KCNQ1: variants seen among roughly 807,000 people sequenced by gnomAD.
KCNQ1 encodes potassium voltage-gated channel subfamily Q member 1.
A neutral mutation model predicts 72.4 loss-of-function variants in KCNQ1; 49 were observed. The ratio of observed to expected loss-of-function variants is 0.68; its 90% CI spans 0.54 to 0.86. KCNQ1 has a LOEUF of 0.86. KCNQ1 is among the 40% of genes least tolerant of loss of function. The probability of loss-of-function intolerance (pLI) is 0.00; values close to 1 mark genes in which losing one functional copy is unlikely to be tolerated. For missense variants in KCNQ1, 790 were observed against 945.1 expected (o/e 0.84, Z 2.15); for synonymous variants, 450 against 412.6 (o/e 1.09, Z -1.10).
intron 10 of KCNQ1, chr11:2,631,846 G>A (rs892754637): frequency 1.0e-5 from 4 of 398,402 alleles, no homozygotes; most frequent in African/African-American, 8.2e-5. Flanking sequence ...ATAGAGTTGT[G>A]TTAATAATAT....
In KCNQ1 at chr11:2,573,481, A is replaced by G. The variant is rs1393773712; in HGVS notation, c.921+495A>G. Reference sequence around the variant, plus strand: ...GAGACAGCAAACAGGAAAGACCATGATGGCTCAAGAGACCCCAGCAGAGAT... The same window carrying G: ...GAGACAGCAAACAGGAAAGACCATGGTGGCTCAAGAGACCCCAGCAGAGAT... On this transcript the variant is annotated intron_variant, in intron 6 of 15. Transcript: ENST00000155840. Among the ~76,000 whole-genome samples the G allele has an allele frequency of 2.6e-5, 4 of 152,190 alleles. No individual in the cohort carries two copies. The East Asian group carries it at 7.7e-4, about 29-fold the overall frequency.
rs185464682 is a variant in KCNQ1, at chr11:2,579,677, T to A, written c.922-3758T>A. On this transcript the variant is annotated intron_variant, in intron 6 of 15. Transcript: ENST00000155840. This position sits in a 1 kb window ranked among gnomAD's most constrained non-coding sequence, Gnocchi z 6.0. Reference sequence around the variant, plus strand: ...GTGGGGTCCTGGAGCTGCGTCCTGCTGTATGTGTGCTCTCCACGGTGGGCA... The same window carrying A: ...GTGGGGTCCTGGAGCTGCGTCCTGCAGTATGTGTGCTCTCCACGGTGGGCA... Among the ~76,000 whole-genome samples, 1 of 152,262 alleles carries A rather than the reference T, an allele frequency of 6.6e-6. No individual in the cohort carries two copies. The highest frequency in any genetic ancestry group is 6.5e-5 in the Admixed American group (1 of 15,304).
In KCNQ1 at chr11:2,610,716, C is replaced by CTTTTTTTTT. The variant is rs1167505141; in HGVS notation, c.1393+21883_1393+21891dup. Reference sequence around the variant, plus strand: ...TTCTGGACACAGTATTCTTGGTTGGCTTTTTTTTTTTTTTTTTTTTTTTTT... The same window carrying CTTTTTTTTT: ...TTCTGGACACAGTATTCTTGGTTGGCTTTTTTTTTTTTTTTTTTTTTTTTTTTTTTTTTT... On this transcript the variant is annotated intron_variant, in intron 10 of 15. Coordinates refer to ENST00000155840, the MANE Select transcript of KCNQ1 (RefSeq NM_000218.3). The CTTTTTTTTT allele has an allele frequency of 7.3e-4, 168 of 229,916 alleles. 1 individual carries two copies. The highest frequency in any genetic ancestry group is 5.4e-3 in the East Asian group (89 of 16,444). 14.2% of individuals were successfully genotyped at this position (229,916 alleles called of 1,614,324 possible).
Position 2,654,884 on chromosome 11 carries a change from C to G in KCNQ1, c.1394-7077C>G, listed in dbSNP as rs1849816167. 5.0e-6 allele frequency: 2 copies of G among 398,428 alleles called. No homozygotes were observed. The highest frequency in any genetic ancestry group is 4.1e-5 in the African/African-American group (2 of 48,560). The allele number at this position is 398,428 out of a possible 1,614,324, so 24.7% of individuals were successfully genotyped here. On this transcript the variant is annotated intron_variant, in intron 10 of 15. Transcript: ENST00000155840. The surrounding 1 kb of genome is among the most constrained non-coding windows in gnomAD (Gnocchi z 6.4). ...GGTGGAGGGACATATTCTGGCAACT[C>G]TAGGATAAGATGTGCAAGGTCGTGG...
intron 15 of KCNQ1, among the ~76,000 whole-genome samples, chr11:2,846,293 A>C (rs1223405239): frequency 6.6e-6 from 1 of 152,170 alleles, no homozygotes; most frequent in East Asian, 1.9e-4. Flanking sequence ...CTCTGGAGCC[A>C]TACGTTTCCC....
chr11:2,703,038 A>G lies in KCNQ1; in HGVS notation c.1514+40957A>G, dbSNP rs1850846052. On this transcript the variant is annotated intron_variant, in intron 11 of 15. Transcript: ENST00000155840. This position sits in a 1 kb window ranked among gnomAD's most constrained non-coding sequence, Gnocchi z 6.4. ...GGGGTTTGTTGTCTCGTCGGGCGAC[A>G]AGAGACACGTGGGAATTGGCTAGAG... 6.6e-6 allele frequency among the ~76,000 whole-genome samples: 1 copy of G among 152,126 alleles called. No homozygotes were observed. The highest frequency in any genetic ancestry group is 1.9e-4 in the East Asian group (1 of 5,182).
rs568787689 is a variant in KCNQ1 at position 2,848,973 on chromosome 11, A to G, written c.*970A>G. The G allele has an allele frequency of 2.2e-6, 1 of 454,162 alleles. No homozygotes were observed. Among genetic ancestry groups the G allele is most frequent in the African/African-American group, 2.0e-5 (1 of 50,138 alleles). 28.1% of individuals were successfully genotyped at this position (454,162 alleles called of 1,614,324 possible). On this transcript the variant is annotated 3_prime_UTR_variant, in exon 16 of 16. Transcript: ENST00000155840. ...TTATTAATTGTGCAAGCTTTTCCTA[A>G]TAAACGTGGAGAATCACAGGCTGGG...
In KCNQ1 at chr11:2,623,486, C is replaced by T. The variant is rs1441698621; in HGVS notation, c.1393+34632C>T. 1 of 398,570 alleles carries T rather than the reference C, an allele frequency of 2.5e-6. No homozygotes were observed. The highest frequency in any genetic ancestry group is 4.4e-5 in the Admixed American group (1 of 22,734). The allele number at this position is 398,570 out of a possible 1,614,324, so 24.7% of individuals were successfully genotyped here. On this transcript the variant is annotated intron_variant, in intron 10 of 15. Coordinates refer to ENST00000155840, the MANE Select transcript of KCNQ1 (RefSeq NM_000218.3). The surrounding 1 kb of genome is among the most constrained non-coding windows in gnomAD (Gnocchi z 5.2). ...CTTTTTACTGCCTCCATAGCATTGC[C>T]TTTTCTAAAATGCAATATGATTGGA...
chr11:2,651,553 T>A lies in KCNQ1; in HGVS notation c.1394-10408T>A. The A allele has an allele frequency of 2.5e-6, 1 of 398,550 alleles. No individual in the cohort carries two copies. 24.7% of individuals were successfully genotyped at this position (398,550 alleles called of 1,614,324 possible). A position where few individuals can be genotyped will look rare whatever the true frequency, so the allele number is the denominator to read the frequency against. On this transcript the variant is annotated intron_variant, in intron 10 of 15. Coordinates refer to ENST00000155840, the MANE Select transcript of KCNQ1 (RefSeq NM_000218.3). The surrounding 1 kb of genome is among the most constrained non-coding windows in gnomAD (Gnocchi z 6.1). Reference sequence around the variant, plus strand: ...ATGAGTGTGTCCCTGAGAACATGGATATTGTGTTCTTTACCTCCATGTCTC... The same window carrying A: ...ATGAGTGTGTCCCTGAGAACATGGAAATTGTGTTCTTTACCTCCATGTCTC...
intron 15 of KCNQ1, among the ~76,000 whole-genome samples, chr11:2,831,426 G>A (rs1177333616): frequency 6.6e-6 from 1 of 152,114 alleles, no homozygotes; most frequent in Non-Finnish European, 1.5e-5. Context: ...TGTCGAAGGT[G>A]CTTCTGCCTC....
At chr11:2,804,221 C>A (rs1847330864) in intron 15 of KCNQ1, among the ~76,000 whole-genome samples, 1 of 152,204 alleles carries the variant, frequency 6.6e-6, no homozygotes, top group African/African-American at 2.4e-5. Flanking sequence ...ACCACCCATG[C>A]CACGTGCCTG....
chr11:2,730,509 C>G (rs576195994), intron 11 of KCNQ1, among the ~76,000 whole-genome samples: 1 of 152,286 alleles, frequency 6.6e-6, no homozygotes, highest in East Asian at 1.9e-4. Flanking sequence ...CTCCCTTCCT[C>G]CCTCTTTCTC....
chr11:2,738,282 G>T (rs1238029214), intron 11 of KCNQ1, among the ~76,000 whole-genome samples: 1 of 152,092 alleles, frequency 6.6e-6, no homozygotes, highest in Non-Finnish European at 1.5e-5. Flanking sequence ...GGGCACAGCG[G>T]GTTCCTTGGC....
intron 10 of KCNQ1, chr11:2,650,213 C>T: frequency 2.5e-6 from 1 of 398,340 alleles, no homozygotes; most frequent in Non-Finnish European, 4.4e-6. Context: ...TTTGTATTGT[C>T]TATTTGTGTT....
At chr11:2,496,516 T>TTTTTTTTTTTTTTTTTTTTTC (rs1846923008) in intron 1 of KCNQ1, among the ~76,000 whole-genome samples, 1 of 129,554 alleles carries the variant, frequency 7.7e-6, no homozygotes, top group Non-Finnish European at 1.6e-5. Flanking sequence ...TTTTTTTTTT[T>TTTTTTTTTTTTTTTTTTTTTC]TTTTGCTTTC....
Position 2,847,835 on chromosome 11 carries a change from T to A in KCNQ1, c.1863T>A (p.Gly621=). 1 of 1,569,030 alleles carries A rather than the reference T, an allele frequency of 6.4e-7. No individual in the cohort carries two copies. ...TTCACCAGCTGCTCTCCTTGCACGG[T>A]GGCAGCACCCCCGGCAGCGGCGGCC... is the stretch of plus-strand genomic sequence containing the variant. ...DMLHQLLSLH[G]GSTPGSGGPP... is the part of the protein sequence containing the mutation. The change falls in exon 16 of 16, where the codon GGT becomes GGA. Residue 621 remains glycine (G), a synonymous_variant. Coordinates refer to ENST00000155840, the MANE Select transcript of KCNQ1 (RefSeq NM_000218.3).
At position 2,458,817 on chromosome 11, in the gene KCNQ1, C is replaced by T. The variant is rs375044441; in HGVS notation, c.386+13333C>T. On this transcript the variant is annotated intron_variant, in intron 1 of 15. Transcript: ENST00000155840. This position sits in a 1 kb window ranked among gnomAD's most constrained non-coding sequence, Gnocchi z 4.6. ...AGTGGTGGGGGATGGCTCTGTAGGA[C>T]ACATGACCTGATTTCCTCAGTAAGT... Among the ~76,000 whole-genome samples, 1 of 152,246 alleles carries T rather than the reference C, an allele frequency of 6.6e-6. No individual in the cohort carries two copies. The highest frequency in any genetic ancestry group is 2.4e-5 in the African/African-American group (1 of 41,534).
intron 15 of KCNQ1, among the ~76,000 whole-genome samples, chr11:2,838,642 T>C (rs1848135302): frequency 6.6e-6 from 1 of 151,742 alleles, no homozygotes. Context: ...GGGCCCAGGG[T>C]AGGGGAGGAT....
At position 2,803,863 on chromosome 11, in the gene KCNQ1, G is replaced by A. The variant is rs139752792; in HGVS notation, c.1794+25826G>A. Among the ~76,000 whole-genome samples, 4 of 152,188 alleles carry A rather than the reference G, an allele frequency of 2.6e-5. No homozygotes were observed. In the East Asian group the frequency reaches 7.7e-4, roughly 29 times the overall value. On this transcript the variant is annotated intron_variant, in intron 15 of 15. Transcript: ENST00000155840. This position sits in a 1 kb window ranked among gnomAD's most constrained non-coding sequence, Gnocchi z 6.4. Reference sequence around the variant, plus strand: ...CAGGGTCAGCTTTTATGCACACTCAGGTACTCAGGACACCCCACACCAGCC... The same window carrying A: ...CAGGGTCAGCTTTTATGCACACTCAAGTACTCAGGACACCCCACACCAGCC...
Sources: allele counts gnomAD v4.1 joint callset (sites outside exome capture counted in the v4.1 genomes callset), GRCh38; gene constraint gnomAD v4.1.1; non-coding constraint Gnocchi (gnomAD v3.1); transcripts MANE v1.5; gene names NCBI Gene and HGNC (gene_info 2026-07-23, HGNC 2026-07-21).